Variants in SLC44A3 observed in about 807,000 individuals in gnomAD.
The protein encoded by SLC44A3 is solute carrier family 44 member 3.
In SLC44A3, 74 loss-of-function variants were observed where a neutral mutation model predicts 75.4. The observed-to-expected ratio is 0.98, with a 90% CI of 0.81 to 1.19. The LOEUF is 1.19. SLC44A3 is among the 50% of genes most tolerant of loss of function. The probability of loss-of-function intolerance (pLI) is 0.00; values close to 1 mark genes in which losing one functional copy is unlikely to be tolerated. For synonymous variants in SLC44A3, 310 were observed against 296.9 expected (o/e 1.04, Z -0.45); for missense variants, 700 against 778.6 (o/e 0.90, Z 1.20).
intron 14 of SLC44A3, among the ~76,000 whole-genome samples, chr1:94,892,951 TTGTG>T (rs753148441): frequency 2.1e-4 from 32 of 152,344 alleles, no homozygotes; most frequent in Non-Finnish European, 7.3e-5. Flanking sequence ...GAGAGCACAC[TTGTG>T]TGCTCCTCTG....
At chr1:94,823,751 T>C (rs1456595883) in intron 2 of SLC44A3, among the ~76,000 whole-genome samples, 1 of 152,236 alleles carries the variant, frequency 6.6e-6, no homozygotes, top group African/African-American at 2.4e-5. Context: ...TTAAATGGTA[T>C]CCTATATATT....
chr1:94,856,816 C>T (rs990728087), intron 9 of SLC44A3, among the ~76,000 whole-genome samples: 1 of 152,050 alleles, frequency 6.6e-6, no homozygotes, highest in African/African-American at 2.4e-5. Flanking sequence ...CTCCTACCCT[C>T]GCCTCCCAGG....
rs370893433 is a variant in SLC44A3 at position 94,862,731 on chromosome 1, T to G, written c.1239-2012T>G. 3.6e-4 allele frequency among the ~76,000 whole-genome samples: 54 copies of G among 152,070 alleles called. 1 individual carries two copies. Among genetic ancestry groups the G allele is most frequent in the East Asian group, 1.7e-3 (9 of 5,168 alleles). On this transcript the variant is annotated intron_variant, in intron 10 of 14. Transcript: ENST00000271227. ...GGGTGGATGTGGTCCAGTGGGAAGA[T>G]CTAGAGAGAGATGAGGAAGGCTGAC...
chr1:94,837,534 G>A (rs1028484751), intron 5 of SLC44A3, among the ~76,000 whole-genome samples, 177 bp from the exon 6 acceptor site: 2 of 152,096 alleles, frequency 1.3e-5, no homozygotes, highest in Non-Finnish European at 2.9e-5. Flanking sequence ...TCAGCTAATC[G>A]ATGTAGCAGA....
chr1:94,844,075 G>A (rs1340316862), intron 8 of SLC44A3, among the ~76,000 whole-genome samples: 5 of 152,128 alleles, frequency 3.3e-5, no homozygotes, highest in Non-Finnish European at 1.5e-5. Context: ...CCATAAGAAT[G>A]GCCCTGCTCT....
intron 8 of SLC44A3, chr1:94,843,492 TC>T (rs2101073645): frequency 6.6e-6 from 1 of 152,328 alleles, no homozygotes; most frequent in South Asian, 2.1e-4. Context: ...CCCTGCATGG[TC>T]AGGAGGCTGT....
chr1:94,873,238 AG>A (rs1179032967), intron 12 of SLC44A3, among the ~76,000 whole-genome samples: 2 of 152,160 alleles, frequency 1.3e-5, no homozygotes, highest in Non-Finnish European at 2.9e-5. Flanking sequence ...CATCCCCTTG[AG>A]GAGGGAACCA....
At chr1:94,867,058 G>A (rs1451244728) in intron 11 of SLC44A3, among the ~76,000 whole-genome samples, 1 of 151,822 alleles carries the variant, frequency 6.6e-6, no homozygotes, top group Non-Finnish European at 1.5e-5. Context: ...TTTTTTACTG[G>A]AACCAGAAGG....
intron 5 of SLC44A3, among the ~76,000 whole-genome samples, chr1:94,830,641 A>C (rs1662000241): frequency 6.6e-6 from 1 of 152,244 alleles, no homozygotes; most frequent in Non-Finnish European, 1.5e-5. Flanking sequence ...AAAAACTAGA[A>C]TGTTTTAGTA....
intron 12 of SLC44A3, among the ~76,000 whole-genome samples, chr1:94,874,252 T>C (rs1237804324): frequency 6.6e-6 from 1 of 152,226 alleles, no homozygotes; most frequent in African/African-American, 2.4e-5. Context: ...TCATGTTTCC[T>C]GGTGCATGGT....
Position 94,892,429 on chromosome 1 carries a change from T to C in SLC44A3, c.1769T>C (p.Leu590Pro). The change falls in exon 14 of 15, where the codon CTG (leucine) becomes CCG (proline). Residue 590 changes from leucine to proline, a missense_variant. Coordinates refer to ENST00000271227, the MANE Select transcript of SLC44A3 (RefSeq NM_001114106.3). The part of the protein sequence containing the change: ...HSFLSVFETV[L>P]DALFLCFAVD... ...TTTTTATCTGTGTTTGAAACTGTGCTGGATGCACTTTTCCTGTGTTTTGCT... is the reference window on the plus strand; with the variant it reads ...TTTTTATCTGTGTTTGAAACTGTGCCGGATGCACTTTTCCTGTGTTTTGCT... 1 of 1,614,230 alleles carries C rather than the reference T, an allele frequency of 6.2e-7. No homozygotes were observed. Among genetic ancestry groups the C allele is most frequent in the Non-Finnish European group, 8.5e-7 (1 of 1,180,038 alleles).
Position 94,823,668 on chromosome 1 carries a change from G to C in SLC44A3, c.136-825G>C, listed in dbSNP as rs558187032. Among the ~76,000 whole-genome samples the C allele has an allele frequency of 4.6e-5, 7 of 152,256 alleles. No individual in the cohort carries two copies. The East Asian group carries it at 1.4e-3, about 29-fold the overall frequency. ...AGGACAATGTACCTTTGCAGCATAA[G>C]GTATCAATACTATATATTAATGAAT... On this transcript the variant is annotated intron_variant, in intron 2 of 14. Transcript: ENST00000271227.
chr1:94,840,266 TTTTC>T (rs1663409811), intron 7 of SLC44A3, among the ~76,000 whole-genome samples: 1 of 147,956 alleles, frequency 6.8e-6, no homozygotes, highest in Non-Finnish European at 1.5e-5. Context: ...CTTTCTTTTC[TTTTC>T]TTTTTCTTTT....
In SLC44A3 at chr1:94,857,512, G is replaced by A. The variant is rs372331051; in HGVS notation, c.1238+12G>A. The A allele has an allele frequency of 5.6e-6, 9 of 1,599,406 alleles. No homozygotes were observed. The Admixed American group carries it at 8.7e-5, about 16-fold the overall frequency. On this transcript the variant is annotated intron_variant, in intron 10 of 14. Transcript: ENST00000271227. The stretch of plus-strand genomic sequence containing the variant: ...TGTTATTTCAACAGGTAGGTCCAGT[G>A]TTTTTTTTCTATTGGTTTGTCTATG...
chr1:94,839,897 C>A (rs1481246944), intron 6 of SLC44A3, 51 bp from the exon 7 acceptor site: 1 of 1,329,182 alleles, frequency 7.5e-7, no homozygotes, highest in Non-Finnish European at 1.1e-6. Context: ...ACCATCATCT[C>A]CCCTATCCTT....
chr1:94,845,427 C>G lies in SLC44A3; in HGVS notation c.1035C>G (p.Val345=). 6 of 1,613,608 alleles carry G rather than the reference C, an allele frequency of 3.7e-6. No individual in the cohort carries two copies. Among genetic ancestry groups the G allele is most frequent in the Non-Finnish European group, 5.1e-6 (6 of 1,179,968 alleles). ...TTGCCATCCTCATTTTCTTCTGGGT[C>G]CTCTGGGTGGCTGTGCTGCTGAGCC... ...WTFAILIFFW[V]LWVAVLLSLG... Residue 345 remains valine, a synonymous_variant, in exon 9 of 15, where the codon GTC becomes GTG. Coordinates refer to ENST00000271227, the MANE Select transcript of SLC44A3 (RefSeq NM_001114106.3).
chr1:94,848,146 A>G (rs891935075), intron 9 of SLC44A3, among the ~76,000 whole-genome samples: 6 of 151,588 alleles, frequency 4.0e-5, no homozygotes, highest in Non-Finnish European at 5.9e-5. Flanking sequence ...GGAGAATAGC[A>G]TGAACCCGGG....
intron 10 of SLC44A3, among the ~76,000 whole-genome samples, chr1:94,859,854 TTAGAGG>T (rs1557853433): frequency 1.0e-3 from 158 of 152,110 alleles, no homozygotes; most frequent in African/African-American, 3.6e-3. Context: ...TAGGAAGAGG[TTAGAGG>T]ATGCTTTTGT....
intron 9 of SLC44A3, among the ~76,000 whole-genome samples, chr1:94,853,683 A>G (rs186056370): frequency 6.6e-6 from 1 of 152,282 alleles, no homozygotes; most frequent in Non-Finnish European, 1.5e-5. Flanking sequence ...TTCTGATTGC[A>G]TCAGTTTTCT....
Sources: gnomAD v4.1 joint callset for allele counts (sites outside exome capture counted in the v4.1 genomes callset) on GRCh38, gnomAD v4.1.1 for gene constraint, MANE v1.5 for transcripts, NCBI Gene and HGNC (gene_info 2026-07-23, HGNC 2026-07-21) for gene names.